The following RARB variants were observed in gnomAD, a reference collection of about 807,000 sequenced individuals.
RARB encodes the protein retinoic acid receptor beta.
A neutral mutation model predicts 51.9 loss-of-function variants in RARB; 17 were observed. The observed-to-expected ratio is 0.33, with a 90% CI of 0.22 to 0.49. The LOEUF is 0.49. Ranked by LOEUF, RARB falls within the 20% of genes least tolerant of loss-of-function variation. The probability of loss-of-function intolerance (pLI) is 0.99; values close to 1 mark genes in which losing one functional copy is unlikely to be tolerated. For synonymous variants in RARB, 215 were observed against 195.4 expected, an observed-to-expected ratio of 1.10 and a Z score of -0.84; for missense variants, 369 against 550.8, an observed-to-expected ratio of 0.67 and a Z score of 3.30.
At chr3:25,067,442 G>A (rs1017789110) in intron 3 of RARB, among the ~76,000 whole-genome samples, 1 of 152,166 alleles carries the variant, frequency 6.6e-6, no homozygotes, top group East Asian at 1.9e-4. Flanking sequence ...GTTTTATGAC[G>A]TGATGCAGGA....
chr3:25,218,308 C>A (rs866634501), intron 5 of RARB, among the ~76,000 whole-genome samples: 4 of 151,818 alleles, frequency 2.6e-5, no homozygotes, highest in South Asian at 2.1e-4. Context: ...AGTGTGTGTG[C>A]GCGCGTGTGC....
At chr3:24,856,743 A>C (rs1415846029) in intron 1 of RARB, among the ~76,000 whole-genome samples, 1 of 152,190 alleles carries the variant, frequency 6.6e-6, no homozygotes, top group Non-Finnish European at 1.5e-5. Flanking sequence ...AAGTTACAAC[A>C]ATTTGAACTG....
chr3:25,169,619 AAGG>A (rs1229741827), intron 4 of RARB, among the ~76,000 whole-genome samples: 4 of 152,222 alleles, frequency 2.6e-5, no homozygotes, highest in Non-Finnish European at 4.4e-5. Context: ...TGTTGGGAGT[AAGG>A]AGAAAGAGGT....
At chr3:25,309,930 A>G (rs1229551636) in intron 5 of RARB, among the ~76,000 whole-genome samples, 3 of 152,206 alleles carry the variant, frequency 2.0e-5, no homozygotes, top group Non-Finnish European at 4.4e-5. Flanking sequence ...AAAGAAAACT[A>G]AAGGCACTGA....
chr3:25,431,736 A>G, intron 1 of RARB, among the ~76,000 whole-genome samples: 1 of 152,176 alleles, frequency 6.6e-6, no homozygotes, highest in Non-Finnish European at 1.5e-5. Flanking sequence ...AAAAGGAAAA[A>G]GAAAAAAATA....
At chr3:25,132,383 CAGG>C (rs1699967776) in intron 4 of RARB, among the ~76,000 whole-genome samples, 1 of 151,856 alleles carries the variant, frequency 6.6e-6, no homozygotes, top group South Asian at 2.1e-4. Flanking sequence ...GGAAACCCAG[CAGG>C]AGATTTTAGA....
chr3:25,106,950 G>C (rs1198112260), intron 3 of RARB, among the ~76,000 whole-genome samples: 2 of 151,788 alleles, frequency 1.3e-5, no homozygotes, highest in East Asian at 1.9e-4. Context: ...GCCCAGGCTG[G>C]AGTCCAGTGG....
intron 5 of RARB, among the ~76,000 whole-genome samples, chr3:25,388,310 A>G (rs1037377151): frequency 6.6e-6 from 1 of 152,196 alleles, no homozygotes. Context: ...ATTTCTAAAG[A>G]TTTATTAGTA....
chr3:25,557,747 C>G (rs1006369130), intron 3 of RARB, among the ~76,000 whole-genome samples: 1 of 152,090 alleles, frequency 6.6e-6, no homozygotes, highest in African/African-American at 2.4e-5. Flanking sequence ...TGAACAGTGA[C>G]TCGTCTAAAC....
intron 2 of RARB, among the ~76,000 whole-genome samples, chr3:25,470,889 C>G (rs1222916787): frequency 1.3e-5 from 2 of 152,176 alleles, no homozygotes; most frequent in Non-Finnish European, 2.9e-5. Flanking sequence ...GGGCAGGTCT[C>G]TCTTGTCACA....
intron 2 of RARB, among the ~76,000 whole-genome samples, chr3:25,479,167 C>G (rs1269031586): frequency 6.7e-6 from 1 of 149,782 alleles, no homozygotes; most frequent in Non-Finnish European, 1.5e-5. Flanking sequence ...TTTTTTTTTG[C>G]CTTTGAACTT....
At chr3:24,914,481 A>T (rs1263282802) in intron 2 of RARB, among the ~76,000 whole-genome samples, 1 of 152,110 alleles carries the variant, frequency 6.6e-6, no homozygotes, top group African/African-American at 2.4e-5. Context: ...ATCTTCTGCC[A>T]ATTATGTGTA....
chr3:24,842,784 G>T (rs1702435207), intron 1 of RARB, among the ~76,000 whole-genome samples: 1 of 152,066 alleles, frequency 6.6e-6, no homozygotes, highest in Non-Finnish European at 1.5e-5. Context: ...TCTTTATTTT[G>T]TGAAGTCAAA....
At chr3:25,508,560 G>A (rs1255650627) in intron 3 of RARB, among the ~76,000 whole-genome samples, 1 of 152,088 alleles carries the variant, frequency 6.6e-6, no homozygotes, top group Non-Finnish European at 1.5e-5. Flanking sequence ...TGTGTAGTTG[G>A]GAAATTACAT....
intron 2 of RARB, among the ~76,000 whole-genome samples, chr3:24,940,992 A>T (rs1455057406): frequency 6.6e-6 from 1 of 152,184 alleles, no homozygotes; most frequent in African/African-American, 2.4e-5. Flanking sequence ...GGGCCAACCA[A>T]CATTAAATTT....
chr3:25,364,731 A>G (rs773266840), intron 5 of RARB, among the ~76,000 whole-genome samples: 12 of 152,236 alleles, frequency 7.9e-5, no homozygotes, highest in Non-Finnish European at 1.2e-4. Flanking sequence ...GAGGAACCAT[A>G]TCCAGTAATT....
chr3:25,283,129 A>T (rs1056537887), intron 5 of RARB, among the ~76,000 whole-genome samples: 1 of 152,144 alleles, frequency 6.6e-6, no homozygotes, highest in East Asian at 1.9e-4. Context: ...CCTGATTCCA[A>T]AGCCCTTGTT....
intron 5 of RARB, among the ~76,000 whole-genome samples, chr3:25,340,431 G>A (rs1478864478): frequency 6.6e-6 from 1 of 152,140 alleles, no homozygotes; most frequent in African/African-American, 2.4e-5. Context: ...GTTCACAAGT[G>A]ATGAGCCACC....
chr3:25,460,945 C>T (rs1022480920), intron 1 of RARB, among the ~76,000 whole-genome samples: 11 of 152,082 alleles, frequency 7.2e-5, no homozygotes, highest in African/African-American at 2.4e-4. Context: ...AACCATGGCC[C>T]TCACAGTTCT....
Sources: gnomAD v4.1 joint callset for allele counts (sites outside exome capture counted in the v4.1 genomes callset) on GRCh38, gnomAD v4.1.1 for gene constraint, MANE v1.5 for transcripts, NCBI Gene and HGNC (gene_info 2026-07-23, HGNC 2026-07-21) for gene names.